The following PRXL2A variants were observed in gnomAD, a reference collection of about 807,000 sequenced individuals.
PRXL2A encodes the protein peroxiredoxin like 2A.
Under a neutral mutation model 25.6 loss-of-function variants are expected in PRXL2A, and 26 were observed. The ratio of observed to expected loss-of-function variants is 1.02; its 90% confidence interval spans 0.74 to 1.41. The LOEUF is 1.41. PRXL2A is among the 40% of genes most tolerant of loss of function. The pLI, the probability that PRXL2A is intolerant of heterozygous loss-of-function variation, is 0.00. For synonymous variants in PRXL2A, 98 were observed against 102.9 expected, an observed-to-expected ratio of 0.95 and a Z score of 0.29; for missense variants, 246 against 273.9, an observed-to-expected ratio of 0.90 and a Z score of 0.72.
chr10:80,416,741 T>C (rs1020748477), intron 1 of PRXL2A, among the ~76,000 whole-genome samples: 3 of 152,216 alleles, frequency 2.0e-5, no homozygotes, highest in African/African-American at 7.2e-5. Flanking sequence ...AATTCTTTGC[T>C]CTAACACAAT....
In PRXL2A at chr10:80,425,889, G is replaced by T. The variant is rs376989414; in HGVS notation, c.294G>T (p.Leu98=). The change falls in exon 4 of 6, where the codon CTG becomes CTT. Residue 98 remains leucine, a synonymous_variant. Coordinates refer to ENST00000606162, the MANE Select transcript of PRXL2A (RefSeq NM_032333.5). The part of the protein sequence containing the change: ...CREEAADLSS[L]KSMLDQLGVP... ...AGGAAGCTGCGGATCTGTCCTCCCTGAAAAGCATGTTGGACCAGCTGGGCG... is the reference window on the plus strand; with the variant it reads ...AGGAAGCTGCGGATCTGTCCTCCCTTAAAAGCATGTTGGACCAGCTGGGCG... The T allele has an allele frequency of 1.9e-6, 3 of 1,614,148 alleles. No homozygotes were observed. The highest frequency in any genetic ancestry group is 1.3e-5 in the African/African-American group (1 of 74,956).
At position 80,432,410 on chromosome 10, in the gene PRXL2A, G is replaced by A. The variant is rs773198563; in HGVS notation, c.*311G>A. 1.4e-4 allele frequency: 31 copies of A among 223,922 alleles called. No individual in the cohort carries two copies. The highest frequency in any genetic ancestry group is 2.7e-4 in the Non-Finnish European group (31 of 116,316). The allele number at this position is 223,922 out of a possible 1,614,324, so 13.9% of individuals were successfully genotyped here. On this transcript the variant is annotated 3_prime_UTR_variant, in exon 6 of 6. Coordinates refer to ENST00000606162, the MANE Select transcript of PRXL2A (RefSeq NM_032333.5). ...AATCCCAGCACTTTGGGAGGCCAAGGTGAGCAAGTCACTTGAGGTCGGGAG... is the reference window on the plus strand; with the variant it reads ...AATCCCAGCACTTTGGGAGGCCAAGATGAGCAAGTCACTTGAGGTCGGGAG...
chr10:80,416,919 A>G (rs550728793), intron 1 of PRXL2A, among the ~76,000 whole-genome samples: 10 of 149,558 alleles, frequency 6.7e-5, no homozygotes, highest in African/African-American at 2.4e-4. Flanking sequence ...TTCTCAGCAC[A>G]GGTCCCTCAT....
At chr10:80,425,461 G>C (rs1292299038) in intron 3 of PRXL2A, among the ~76,000 whole-genome samples, 1 of 152,222 alleles carries the variant, frequency 6.6e-6, no homozygotes, top group Admixed American at 6.5e-5. Flanking sequence ...ACCAAACAGG[G>C]AAGATAGGAT....
In PRXL2A at chr10:80,436,321, T is replaced by G. The variant is rs1288598104; in HGVS notation, c.*4222T>G. 1 of 152,258 alleles carries G rather than the reference T, an allele frequency of 6.6e-6. No individual in the cohort carries two copies. The highest frequency in any genetic ancestry group is 1.5e-5 in the Non-Finnish European group (1 of 68,136). 9.4% of individuals were successfully genotyped at this position (152,258 alleles called of 1,614,324 possible). A position where few individuals can be genotyped will look rare whatever the true frequency, so the allele number is the denominator to read the frequency against. On this transcript the variant is annotated 3_prime_UTR_variant, in exon 6 of 6. Transcript: ENST00000606162. Reference sequence around the variant, plus strand: ...GTAGAGGCAAGCTCTTATACTATCTTGCACAGGCTGGTCTCGAACTCCTGG... The same window carrying G: ...GTAGAGGCAAGCTCTTATACTATCTGGCACAGGCTGGTCTCGAACTCCTGG...
At position 80,422,449 on chromosome 10, in the gene PRXL2A, G is replaced by C. The variant is rs1844901514; in HGVS notation, c.211G>C (p.Glu71Gln). Residue 71 changes from glutamate (E) to glutamine (Q), a missense_variant, in exon 3 of 6, where the codon GAA (glutamate) becomes CAA (glutamine). Glu to Gln is a conservative substitution (Grantham distance 29). Coordinates refer to ENST00000606162, the MANE Select transcript of PRXL2A (RefSeq NM_032333.5). ...PRTFKAKELW[E>Q]KNGAVIMAVR... is the part of the protein sequence containing the mutation. ...GACTTTCAAAGCAAAGGAGCTATGG[G>C]AAAAAAATGGAGCTGTGATTATGGC... is the stretch of plus-strand genomic sequence containing the variant. 6.2e-7 allele frequency: 1 copy of C among 1,613,798 alleles called. No homozygotes were observed. The highest frequency in any genetic ancestry group is 1.3e-5 in the African/African-American group (1 of 74,880).
At chr10:80,425,786 T>C (rs1845019656) in intron 3 of PRXL2A, 80 bp from the exon 4 acceptor site, 8 of 1,565,124 alleles carry the variant, frequency 5.1e-6, no homozygotes, top group Non-Finnish European at 6.1e-6. Flanking sequence ...GAGCCTGGGC[T>C]GCAGAGGGAA....
intron 1 of PRXL2A, among the ~76,000 whole-genome samples, chr10:80,414,946 G>A (rs371530383): frequency 3.0e-4 from 45 of 152,272 alleles, no homozygotes; most frequent in African/African-American, 7.2e-4. Flanking sequence ...TTGTGTGTAG[G>A]AAAAATTGTG....
chr10:80,413,715 A>AG (rs1326150075), intron 1 of PRXL2A: 1 of 297,750 alleles, frequency 3.4e-6, no homozygotes, highest in African/African-American at 2.3e-5. Flanking sequence ...CAGCTGAAGG[A>AG]GCCCCAGGGT....
chr10:80,420,062 A>G, intron 1 of PRXL2A: 2 of 986,494 alleles, frequency 2.0e-6, no homozygotes, highest in Non-Finnish European at 2.4e-6. Flanking sequence ...AGCCACCTGG[A>G]TTGTGAGGGA....
At chr10:80,424,297 A>C (rs1844961588) in intron 3 of PRXL2A, among the ~76,000 whole-genome samples, 1 of 148,336 alleles carries the variant, frequency 6.7e-6, no homozygotes, top group Non-Finnish European at 1.5e-5. Context: ...AGCCAGGTGC[A>C]GTGGCTCATG....
At chr10:80,425,677 G>A (rs777253120) in intron 3 of PRXL2A, among the ~76,000 whole-genome samples, 189 bp from the exon 4 acceptor site, 14 of 152,208 alleles carry the variant, frequency 9.2e-5, no homozygotes, top group African/African-American at 3.1e-4. Flanking sequence ...AGCATTGTGG[G>A]CAGGAGGAGA....
intron 4 of PRXL2A, among the ~76,000 whole-genome samples, chr10:80,426,526 C>A (rs1845048672): frequency 6.6e-6 from 1 of 152,100 alleles, no homozygotes; most frequent in Non-Finnish European, 1.5e-5. Flanking sequence ...GGGACATAAT[C>A]CCATTGTAAG....
At chr10:80,420,902 C>T (rs1206419210) in intron 2 of PRXL2A, among the ~76,000 whole-genome samples, 1 of 152,138 alleles carries the variant, frequency 6.6e-6, no homozygotes, top group Non-Finnish European at 1.5e-5. Context: ...TTTAGCTTTT[C>T]TTATCAAAAG....
intron 3 of PRXL2A, among the ~76,000 whole-genome samples, chr10:80,425,124 T>C (rs1697446056): frequency 6.6e-6 from 1 of 152,242 alleles, no homozygotes; most frequent in South Asian, 2.1e-4. Context: ...TTTTGCTCAT[T>C]CTTTAATTCT....
At chr10:80,428,650 C>T (rs1158613541) in intron 5 of PRXL2A, among the ~76,000 whole-genome samples, 2 of 151,872 alleles carry the variant, frequency 1.3e-5, no homozygotes, top group Non-Finnish European at 2.9e-5. Flanking sequence ...GCCTAGGGGA[C>T]AGGGCAAGAT....
chr10:80,413,877 G>T, intron 1 of PRXL2A: 1 of 1,246,914 alleles, frequency 8.0e-7, no homozygotes. Context: ...GCTGTGTATG[G>T]TGAGTGCCTT....
intron 5 of PRXL2A, among the ~76,000 whole-genome samples, chr10:80,428,528 G>T (rs1337920957): frequency 1.3e-5 from 2 of 152,192 alleles, no homozygotes; most frequent in African/African-American, 2.4e-5. Flanking sequence ...AATTAGCCGG[G>T]TGTAGTGGTG....
At chr10:80,418,889 G>A (rs1167372815) in intron 1 of PRXL2A, among the ~76,000 whole-genome samples, 4 of 152,168 alleles carry the variant, frequency 2.6e-5, no homozygotes, top group East Asian at 1.9e-4. Context: ...GACAGAACCC[G>A]CCTGGAGCTC....
Sources: gnomAD v4.1 joint callset for allele counts (sites outside exome capture counted in the v4.1 genomes callset) on GRCh38, gnomAD v4.1.1 for gene constraint, MANE v1.5 for transcripts, NCBI Gene and HGNC (gene_info 2026-07-23, HGNC 2026-07-21) for gene names.